RGS17: variants seen among roughly 807,000 people sequenced by gnomAD.
RGS17 encodes the protein regulator of G protein signaling 17, also known as regulator of G-protein signaling 17.
A neutral mutation model predicts 25.5 loss-of-function variants in RGS17; 12 were observed. That is an observed-to-expected ratio of 0.47 (90% CI 0.30 to 0.76). The LOEUF (loss-of-function observed/expected upper bound fraction) is 0.76. Ranked by LOEUF, RGS17 falls within the 30% of genes least tolerant of loss-of-function variation. RGS17 has a pLI of 0.07. For synonymous variants in RGS17, 71 were observed against 76.9 expected (o/e 0.92, Z 0.40); for missense variants, 196 against 242.2 (o/e 0.81, Z 1.27).
chr6:153,038,169 C>A (rs1776275797), intron 2 of RGS17, among the ~76,000 whole-genome samples: 1 of 152,208 alleles, frequency 6.6e-6, no homozygotes, highest in African/African-American at 2.4e-5. Context: ...CAGCAGACCT[C>A]ACCGTGCAGA....
intron 1 of RGS17, among the ~76,000 whole-genome samples, chr6:153,071,102 CAT>C (rs1012839740): frequency 2.1e-4 from 31 of 149,308 alleles, no homozygotes; most frequent in Admixed American, 1.1e-3. Flanking sequence ...TATACACACT[CAT>C]ATATATCTTA....
intron 1 of RGS17, among the ~76,000 whole-genome samples, chr6:153,098,741 G>A (rs1247697931): frequency 6.6e-6 from 1 of 152,138 alleles, no homozygotes; most frequent in Non-Finnish European, 1.5e-5. Context: ...AAAGTGTGGG[G>A]TTGTCTGCCA....
At chr6:153,099,017 G>A (rs576408377) in intron 1 of RGS17, among the ~76,000 whole-genome samples, 15 of 151,630 alleles carry the variant, frequency 9.9e-5, no homozygotes, top group African/African-American at 2.4e-4. Context: ...TTGTCCCCCC[G>A]TCCAAAAAAA....
intron 1 of RGS17, among the ~76,000 whole-genome samples, chr6:153,126,082 G>T (rs2129127688): frequency 6.6e-6 from 1 of 152,286 alleles, no homozygotes; most frequent in Non-Finnish European, 1.5e-5. Flanking sequence ...TTCACCTAGA[G>T]CTTAGTAGTT....
chr6:153,122,797 C>T (rs1351540636), intron 1 of RGS17, among the ~76,000 whole-genome samples: 1 of 151,942 alleles, frequency 6.6e-6, no homozygotes, highest in African/African-American at 2.4e-5. Context: ...ATGCTCCTTT[C>T]TCCTCAATTT....
At chr6:153,047,060 G>A (rs9478383) in intron 1 of RGS17, among the ~76,000 whole-genome samples, 18,749 of 152,152 alleles carry the variant, frequency 0.12, 1,327 homozygotes, top group East Asian at 0.3. Flanking sequence ...TGAAGATGGT[G>A]GGCAATGGAG....
At chr6:153,074,418 G>T (rs1038343718) in intron 1 of RGS17, among the ~76,000 whole-genome samples, 1 of 152,092 alleles carries the variant, frequency 6.6e-6, no homozygotes, top group African/African-American at 2.4e-5. Context: ...CATTTAGTTT[G>T]GGTCTGCATT....
intron 1 of RGS17, among the ~76,000 whole-genome samples, chr6:153,126,658 T>C (rs1019292155): frequency 3.3e-5 from 5 of 152,206 alleles, no homozygotes; most frequent in Admixed American, 6.5e-5. Context: ...AAATAAAAGT[T>C]TGAAAAATAT....
intron 1 of RGS17, among the ~76,000 whole-genome samples, chr6:153,071,231 C>T (rs886460891): frequency 2.0e-5 from 3 of 150,958 alleles, no homozygotes; most frequent in Admixed American, 2.0e-4. Context: ...GATATAAACA[C>T]ACATACACAT....
chr6:153,119,388 T>C (rs1268377472), intron 1 of RGS17, among the ~76,000 whole-genome samples: 1 of 152,192 alleles, frequency 6.6e-6, no homozygotes, highest in Admixed American at 6.5e-5. Flanking sequence ...CAGCTGGCTA[T>C]GACTCTTAAA....
intron 1 of RGS17, among the ~76,000 whole-genome samples, chr6:153,120,755 C>T (rs568748009): frequency 1.3e-5 from 2 of 152,274 alleles, no homozygotes; most frequent in East Asian, 1.9e-4. Flanking sequence ...CCTGCGAGTA[C>T]TGTATGCTTT....
intron 4 of RGS17, chr6:153,023,486 C>A (rs1779267424): frequency 1.5e-5 from 5 of 333,156 alleles, no homozygotes; most frequent in South Asian, 1.3e-4. Context: ...TCACCAAATG[C>A]TTTTAACTCT....
At chr6:153,091,843 T>C (rs1331053221) in intron 1 of RGS17, among the ~76,000 whole-genome samples, 2 of 152,202 alleles carry the variant, frequency 1.3e-5, no homozygotes, top group African/African-American at 4.8e-5. Flanking sequence ...ATAAAAGTAC[T>C]TGACCTTAAA....
chr6:153,066,983 T>C (rs185089131), intron 1 of RGS17, among the ~76,000 whole-genome samples: 143 of 152,184 alleles, frequency 9.4e-4, no homozygotes, highest in Non-Finnish European at 1.8e-3. Flanking sequence ...GAGCTTGCAA[T>C]GAGCTGAGAT....
chr6:153,038,695 C>T (rs1318624666), intron 2 of RGS17, among the ~76,000 whole-genome samples: 1 of 152,162 alleles, frequency 6.6e-6, no homozygotes, highest in Non-Finnish European at 1.5e-5. Context: ...TACCATGGTG[C>T]AGGCATGGAT....
At chr6:153,100,242 T>C (rs1777279883) in intron 1 of RGS17, among the ~76,000 whole-genome samples, 1 of 152,186 alleles carries the variant, frequency 6.6e-6, no homozygotes, top group South Asian at 2.1e-4. Context: ...TACTGCCACG[T>C]TTTTCTTGTC....
At chr6:153,066,426 AG>A (rs1776708630) in intron 1 of RGS17, among the ~76,000 whole-genome samples, 1 of 152,216 alleles carries the variant, frequency 6.6e-6, no homozygotes, top group African/African-American at 2.4e-5. Context: ...AAACATTTAA[AG>A]AAGAACCAAT....
Position 153,008,341 on chromosome 6 carries a change from A to T in RGS17, c.*3233T>A, listed in dbSNP as rs62744760. On this transcript the variant is annotated 3_prime_UTR_variant, in exon 5 of 5. Transcript: ENST00000206262. ...TATTTTAAGATTTCAAAAAAAAAAA[A>T]CATCACATTATGGTCTTGACTTCTG... 1 of 148,132 alleles carries T rather than the reference A, an allele frequency of 6.8e-6. No homozygotes were observed. The highest frequency in any genetic ancestry group is 2.0e-4 in the East Asian group (1 of 5,074). 9.2% of individuals were successfully genotyped at this position (148,132 alleles called of 1,614,324 possible). A position where few individuals can be genotyped will look rare whatever the true frequency, so the allele number is the denominator to read the frequency against.
chr6:153,122,906 T>C (rs1269956608), intron 1 of RGS17, among the ~76,000 whole-genome samples: 1 of 89,956 alleles, frequency 1.1e-5, no homozygotes, highest in African/African-American at 4.8e-5. Flanking sequence ...AAAATGTTAG[T>C]ATTCCAATTC....
Sources: gnomAD v4.1 joint callset for allele counts (sites outside exome capture counted in the v4.1 genomes callset) on GRCh38, gnomAD v4.1.1 for gene constraint, MANE v1.5 for transcripts, NCBI Gene and HGNC (gene_info 2026-07-23, HGNC 2026-07-21) for gene names.